Variants in BCAS3 observed in about 807,000 individuals in gnomAD.
BCAS3 encodes BCAS4/BCAS3 fusion.
BCAS3 carries 53 observed loss-of-function variants against 116.1 expected under a neutral mutation model. The ratio of observed to expected loss-of-function variants is 0.46; its 90% CI spans 0.37 to 0.57. The LOEUF (loss-of-function observed/expected upper bound fraction) is 0.57. Among genes scored for constraint, BCAS3 ranks in the 20% least tolerant of loss-of-function variants. The pLI, the probability that BCAS3 is intolerant of heterozygous loss-of-function variation, is 0.00. For synonymous variants in BCAS3, 391 were observed against 408.2 expected (o/e 0.96, Z 0.51); for missense variants, 917 against 1,165.4 (o/e 0.79, Z 3.10).
rs1457682402 is a variant in BCAS3, at chr17:61,082,281, C to G, written c.2328-2186C>G. 1.3e-5 allele frequency among the ~76,000 whole-genome samples: 2 copies of G among 152,122 alleles called. No homozygotes were observed. Among genetic ancestry groups the G allele is most frequent in the Non-Finnish European group, 2.9e-5 (2 of 68,006 alleles). On this transcript the variant is annotated intron_variant, in intron 21 of 23. Coordinates refer to ENST00000407086, the MANE Select transcript of BCAS3 (RefSeq NM_017679.5). This position sits in a 1 kb window ranked among gnomAD's most constrained non-coding sequence, Gnocchi z 5.1. ...TTTACCAGTTTTAAAATGTACAAGT[C>G]AGTGGGTTTTAGTATATTCACTATG...
rs143396526 is a variant in BCAS3, at chr17:61,004,889, C to T, written c.1487-10862C>T. ...TTCCATTTTCTGTGTTAAGAGCCAT[C>T]TCTAGTAAGGAATGCTTAATTAATG... On this transcript the variant is annotated intron_variant, in intron 15 of 23. Transcript: ENST00000407086. This position sits in a 1 kb window ranked among gnomAD's most constrained non-coding sequence, Gnocchi z 4.8. Among the ~76,000 whole-genome samples the T allele has an allele frequency of 6.8e-4, 104 of 152,174 alleles. No homozygotes were observed. Among genetic ancestry groups the T allele is most frequent in the African/African-American group, 2.3e-3 (94 of 41,534 alleles).
In BCAS3 at chr17:61,280,577, T is replaced by C. The variant is rs192164571; in HGVS notation, c.2426-87750T>C. 9.9e-4 allele frequency among the ~76,000 whole-genome samples: 151 copies of C among 152,318 alleles called. 1 individual carries two copies. Among genetic ancestry groups the C allele is most frequent in the African/African-American group, 3.4e-3 (143 of 41,564 alleles). On this transcript the variant is annotated intron_variant, in intron 22 of 23. Coordinates refer to ENST00000407086, the MANE Select transcript of BCAS3 (RefSeq NM_017679.5). ...TATTCTCTGTGCTTCAATGAATAGA[T>C]CTATATAGCAGGAGTAACAGTACCT...
chr17:61,270,197 G>A lies in BCAS3; in HGVS notation c.2426-98130G>A, dbSNP rs537612461. Among the ~76,000 whole-genome samples the A allele has an allele frequency of 8.0e-5, 11 of 137,678 alleles. No individual in the cohort carries two copies. The South Asian group carries it at 2.3e-3, about 29-fold the overall frequency. The allele number at this position is 137,678 out of a possible 152,430, so 90.3% of individuals were successfully genotyped here. On this transcript the variant is annotated intron_variant, in intron 22 of 23. Transcript: ENST00000407086. Reference sequence around the variant, plus strand: ...TGCGATGGTGCGATCCCGGCTTACCGCAACCTCTGCCTCCCAGGTTCAAGC... The same window carrying A: ...TGCGATGGTGCGATCCCGGCTTACCACAACCTCTGCCTCCCAGGTTCAAGC...
In BCAS3 at chr17:61,022,535, C is replaced by T. The variant is rs567322391; in HGVS notation, c.1637+6634C>T. Among the ~76,000 whole-genome samples, 452 of 151,968 alleles carry T rather than the reference C, an allele frequency of 3.0e-3. 2 individuals carry two copies. The highest frequency in any genetic ancestry group is 7.7e-3 in the African/African-American group (320 of 41,454). On this transcript the variant is annotated intron_variant, in intron 16 of 23. Coordinates refer to ENST00000407086, the MANE Select transcript of BCAS3 (RefSeq NM_017679.5). ...CTGGAATTACAGGCGTGAGCCACCGCGCCCAGCCTATACCATATTTTTAAA... is the reference window on the plus strand; with the variant it reads ...CTGGAATTACAGGCGTGAGCCACCGTGCCCAGCCTATACCATATTTTTAAA...
At position 61,333,625 on chromosome 17, in the gene BCAS3, CTTTTT is replaced by C. The variant is rs66627370; in HGVS notation, c.2426-34693_2426-34689del. On this transcript the variant is annotated intron_variant, in intron 22 of 23. Coordinates refer to ENST00000407086, the MANE Select transcript of BCAS3 (RefSeq NM_017679.5). This position sits in a 1 kb window ranked among gnomAD's most constrained non-coding sequence, Gnocchi z 4.8. ...AGTTCTTGAAACTTTCTTTTTTTTT[CTTTTT>C]TTTTTTTTGAGACAGAGTCTCGCTC... Among the ~76,000 whole-genome samples, 1 of 142,540 alleles carries C rather than the reference CTTTTT, an allele frequency of 7.0e-6. No individual in the cohort carries two copies. Among genetic ancestry groups the C allele is most frequent in the African/African-American group, 2.6e-5 (1 of 38,492 alleles). 93.5% of individuals were successfully genotyped at this position (142,540 alleles called of 152,430 possible).
intron 22 of BCAS3, among the ~76,000 whole-genome samples, chr17:61,270,535 A>G (rs1039139440): frequency 7.9e-5 from 12 of 152,094 alleles, no homozygotes; most frequent in Admixed American, 4.6e-4. Flanking sequence ...ATTTCCTTCC[A>G]CTTTATAGGC....
In BCAS3 at chr17:61,279,190, G is replaced by A. The variant is rs986979557; in HGVS notation, c.2426-89137G>A. 6.6e-6 allele frequency among the ~76,000 whole-genome samples: 1 copy of A among 151,910 alleles called. No homozygotes were observed. ...TTGAACTCCTGACCTCAAGTGATCCGCCCACCTCGGCCTCCCAAAGTGTTG... is the reference window on the plus strand; with the variant it reads ...TTGAACTCCTGACCTCAAGTGATCCACCCACCTCGGCCTCCCAAAGTGTTG... On this transcript the variant is annotated intron_variant, in intron 22 of 23. Coordinates refer to ENST00000407086, the MANE Select transcript of BCAS3 (RefSeq NM_017679.5). The surrounding 1 kb of genome is among the most constrained non-coding windows in gnomAD (Gnocchi z 4.4).
chr17:61,357,368 T>C (rs1244444583), intron 22 of BCAS3, among the ~76,000 whole-genome samples: 3 of 149,862 alleles, frequency 2.0e-5, no homozygotes, highest in Non-Finnish European at 4.4e-5. Flanking sequence ...AGTTCAAGGC[T>C]GCAGTAAGCT....
At chr17:61,192,723 C>T (rs983952396) in intron 22 of BCAS3, among the ~76,000 whole-genome samples, 1 of 152,160 alleles carries the variant, frequency 6.6e-6, no homozygotes, top group African/African-American at 2.4e-5. Context: ...AAATGTGCTT[C>T]ACCAACAAAA....
chr17:60,781,214 C>A (rs2045799661), intron 6 of BCAS3, among the ~76,000 whole-genome samples: 1 of 151,920 alleles, frequency 6.6e-6, no homozygotes, highest in African/African-American at 2.4e-5. Context: ...AAGTGATCCC[C>A]CCGCCTCAGC....
In BCAS3 at chr17:61,377,281, C is replaced by T. The variant is rs1032019127; in HGVS notation, c.2593+8787C>T. Among the ~76,000 whole-genome samples the T allele has an allele frequency of 3.9e-5, 6 of 152,240 alleles. No homozygotes were observed. Among genetic ancestry groups the T allele is most frequent in the Non-Finnish European group, 8.8e-5 (6 of 68,046 alleles). ...CCCAGTCCCACCAGCAGGTCACAAG[C>T]ATCCCTACTCGGGACAAGAGGGAGC... On this transcript the variant is annotated intron_variant, in intron 23 of 23. Coordinates refer to ENST00000407086, the MANE Select transcript of BCAS3 (RefSeq NM_017679.5). The surrounding 1 kb of genome is among the most constrained non-coding windows in gnomAD (Gnocchi z 4.6).
chr17:60,969,283 G>A (rs1475461942), intron 14 of BCAS3, among the ~76,000 whole-genome samples: 1 of 152,102 alleles, frequency 6.6e-6, no homozygotes, highest in Non-Finnish European at 1.5e-5. Context: ...TTATTTTAAA[G>A]CATCTATTAT....
At chr17:60,811,023 T>C in intron 7 of BCAS3, 2 of 657,376 alleles carry the variant, frequency 3.0e-6, no homozygotes, top group Non-Finnish European at 5.6e-6. Context: ...CCATGCAGTC[T>C]GCCGAGGTTG....
At chr17:61,342,490 G>A (rs1384518125) in intron 22 of BCAS3, among the ~76,000 whole-genome samples, 1 of 152,140 alleles carries the variant, frequency 6.6e-6, no homozygotes, top group Non-Finnish European at 1.5e-5. Context: ...TGATCCTCAG[G>A]CCCAGTGAGT....
chr17:61,095,914 G>C lies in BCAS3; in HGVS notation c.2425+11350G>C, dbSNP rs746652604. 1.3e-5 allele frequency among the ~76,000 whole-genome samples: 2 copies of C among 151,962 alleles called. No homozygotes were observed. Among genetic ancestry groups the C allele is most frequent in the African/African-American group, 2.4e-5 (1 of 41,348 alleles). On this transcript the variant is annotated intron_variant, in intron 22 of 23. Transcript: ENST00000407086. The surrounding 1 kb of genome is among the most constrained non-coding windows in gnomAD (Gnocchi z 4.7). ...GTTTGTTTATTTCTACAGAAATTCA[G>C]ATGAGATTGGATTGGGATTTCATTG...
In BCAS3 at chr17:61,108,120, C is replaced by T. The variant is rs181844858; in HGVS notation, c.2425+23556C>T. On this transcript the variant is annotated intron_variant, in intron 22 of 23. Coordinates refer to ENST00000407086, the MANE Select transcript of BCAS3 (RefSeq NM_017679.5). ...CTCTGTTTTTAGTGCATGCGCATCT[C>T]GGGTTGCTGTGTTTTCTTTGTGTAA... Among the ~76,000 whole-genome samples, 55 of 152,250 alleles carry T rather than the reference C, an allele frequency of 3.6e-4. No homozygotes were observed. In the South Asian group the frequency reaches 3.7e-3, roughly 10 times the overall value.
At chr17:60,976,542 A>T (rs889637624) in intron 14 of BCAS3, among the ~76,000 whole-genome samples, 2 of 152,008 alleles carry the variant, frequency 1.3e-5, no homozygotes, top group Non-Finnish European at 2.9e-5. Flanking sequence ...GCAGATGAAC[A>T]TGTGAACAAA....
At chr17:60,918,502 T>G (rs2058892042) in intron 12 of BCAS3, among the ~76,000 whole-genome samples, 2 of 152,214 alleles carry the variant, frequency 1.3e-5, no homozygotes, top group African/African-American at 4.8e-5. Context: ...TGTTAACTAT[T>G]GTCACTCTAC....
At chr17:61,250,682 C>T (rs891555377) in intron 22 of BCAS3, among the ~76,000 whole-genome samples, 1 of 152,208 alleles carries the variant, frequency 6.6e-6, no homozygotes, top group African/African-American at 2.4e-5. Context: ...CTCTCCTTTA[C>T]TAACCCATGT....
Sources: allele counts gnomAD v4.1 joint callset (sites outside exome capture counted in the v4.1 genomes callset), GRCh38; gene constraint gnomAD v4.1.1; non-coding constraint Gnocchi (gnomAD v3.1); transcripts MANE v1.5; gene names NCBI Gene and HGNC (gene_info 2026-07-23, HGNC 2026-07-21).